PDE3A: variants seen among roughly 807,000 people sequenced by gnomAD.
PDE3A encodes the protein phosphodiesterase 3A.
Under a neutral mutation model 98.3 loss-of-function variants are expected in PDE3A, and 43 were observed. That is an observed-to-expected ratio of 0.44 (90% CI 0.34 to 0.56). The LOEUF is 0.56. Ranked by LOEUF, PDE3A falls within the 20% of genes least tolerant of loss-of-function variation. PDE3A has a pLI of 0.01. For missense variants in PDE3A, 1,427 were observed against 1,440.7 expected (o/e 0.99, Z 0.15); for synonymous variants, 663 against 567.9 (o/e 1.17, Z -2.38).
chr12:20,399,415 C>T (rs1435046157), intron 1 of PDE3A, among the ~76,000 whole-genome samples: 1 of 152,058 alleles, frequency 6.6e-6, no homozygotes, highest in Admixed American at 6.6e-5. Context: ...ACTAGAACAC[C>T]TTCTTAAACT....
chr12:20,661,108 C>T (rs78258674), intron 15 of PDE3A, among the ~76,000 whole-genome samples: 3,235 of 152,188 alleles, frequency 0.021, 100 homozygotes, highest in African/African-American at 0.072. Context: ...AGGAACTTGT[C>T]GAGAACTGGA....
intron 1 of PDE3A, among the ~76,000 whole-genome samples, chr12:20,398,861 G>A (rs1944069323): frequency 6.6e-6 from 1 of 152,034 alleles, no homozygotes; most frequent in African/African-American, 2.4e-5. Flanking sequence ...TAAATATACA[G>A]TTCAGTGACA....
chr12:20,680,402 T>G lies in PDE3A; in HGVS notation c.*131T>G. ...AATGGCTATTGCATTTTGGGATTCTTCGCATTTTGTGTGTATATTTTTACA... is the reference window on the plus strand; with the variant it reads ...AATGGCTATTGCATTTTGGGATTCTGCGCATTTTGTGTGTATATTTTTACA... On this transcript the variant is annotated 3_prime_UTR_variant, in exon 16 of 16. Transcript: ENST00000359062. 2.1e-6 allele frequency: 2 copies of G among 963,112 alleles called. No homozygotes were observed. Among genetic ancestry groups the G allele is most frequent in the Non-Finnish European group, 3.1e-6 (2 of 647,532 alleles). The allele number at this position is 963,112 out of a possible 1,614,324, so 59.7% of individuals were successfully genotyped here. A position where few individuals can be genotyped will look rare whatever the true frequency, so the allele number is the denominator to read the frequency against.
intron 1 of PDE3A, among the ~76,000 whole-genome samples, chr12:20,503,506 A>G (rs1946060353): frequency 6.6e-6 from 1 of 152,106 alleles, no homozygotes; most frequent in Admixed American, 6.6e-5. Context: ...GAAAAATTCC[A>G]TCAGTCAGAA....
At chr12:20,496,911 A>T (rs1409637173) in intron 1 of PDE3A, among the ~76,000 whole-genome samples, 1 of 152,186 alleles carries the variant, frequency 6.6e-6, no homozygotes, top group African/African-American at 2.4e-5. Flanking sequence ...TATCTTACTA[A>T]TGATGCTCTT....
chr12:20,508,711 C>T (rs1195627982), intron 1 of PDE3A, among the ~76,000 whole-genome samples: 1 of 151,638 alleles, frequency 6.6e-6, no homozygotes, highest in Non-Finnish European at 1.5e-5. Flanking sequence ...TACCTGGGAT[C>T]GATTCCTATT....
At chr12:20,386,452 G>A (rs1439419770) in intron 1 of PDE3A, among the ~76,000 whole-genome samples, 1 of 150,514 alleles carries the variant, frequency 6.6e-6, no homozygotes, top group African/African-American at 2.4e-5. Context: ...GTCTGTTTAT[G>A]GCCTTTGTCC....
intron 1 of PDE3A, among the ~76,000 whole-genome samples, chr12:20,405,372 A>G (rs1246942561): frequency 6.6e-6 from 1 of 152,012 alleles, no homozygotes; most frequent in Non-Finnish European, 1.5e-5. Flanking sequence ...GGGATGACCT[A>G]AATTCTCTTC....
intron 1 of PDE3A, among the ~76,000 whole-genome samples, chr12:20,513,272 A>G (rs2121123770): frequency 6.6e-6 from 1 of 152,306 alleles, no homozygotes; most frequent in East Asian, 1.9e-4. Flanking sequence ...AACTATGTTA[A>G]TACAGTACGT....
intron 2 of PDE3A, among the ~76,000 whole-genome samples, chr12:20,569,418 T>A (rs1942740661): frequency 6.6e-6 from 1 of 152,138 alleles, no homozygotes; most frequent in South Asian, 2.1e-4. Context: ...GGAATTAGGG[T>A]TACAATAGTA....
intron 1 of PDE3A, among the ~76,000 whole-genome samples, chr12:20,484,020 A>G (rs899952201): frequency 7.9e-5 from 12 of 152,170 alleles, no homozygotes; most frequent in Non-Finnish European, 1.8e-4. Flanking sequence ...CTCATAGCTT[A>G]GTGAACAGTT....
At position 20,640,429 on chromosome 12, in the gene PDE3A, A is replaced by G. The variant is rs527878383; in HGVS notation, c.2251+472A>G. 1.5e-3 allele frequency among the ~76,000 whole-genome samples: 221 copies of G among 152,220 alleles called. 2 individuals are homozygous for G. The highest frequency in any genetic ancestry group is 5.1e-3 in the African/African-American group (214 of 41,564). The stretch of plus-strand genomic sequence containing the variant: ...GGCATCTGAAGAGTTAAGTCACTAT[A>G]TATGTTTTCTCCACGTAAGATAAAG... On this transcript the variant is annotated intron_variant, in intron 10 of 15. Coordinates refer to ENST00000359062, the MANE Select transcript of PDE3A (RefSeq NM_000921.5).
chr12:20,493,293 CT>C (rs765323232), intron 1 of PDE3A, among the ~76,000 whole-genome samples: 1 of 152,088 alleles, frequency 6.6e-6, no homozygotes, highest in Non-Finnish European at 1.5e-5. Context: ...CCCTCTGTAT[CT>C]GTGTGTTCTG....
chr12:20,517,126 T>C (rs979714189), intron 1 of PDE3A, among the ~76,000 whole-genome samples: 1 of 152,222 alleles, frequency 6.6e-6, no homozygotes, highest in Non-Finnish European at 1.5e-5. Context: ...TACTTTCCAA[T>C]GCGGTTCTAG....
intron 2 of PDE3A, among the ~76,000 whole-genome samples, chr12:20,565,751 G>T (rs950850482): frequency 1.3e-5 from 2 of 151,488 alleles, no homozygotes; most frequent in Non-Finnish European, 3.0e-5. Flanking sequence ...TTTTTTATTT[G>T]GGGAAATTGA....
At chr12:20,594,092 G>C (rs994037834) in intron 2 of PDE3A, among the ~76,000 whole-genome samples, 1 of 152,104 alleles carries the variant, frequency 6.6e-6, no homozygotes, top group Non-Finnish European at 1.5e-5. Context: ...GAATTAGTGA[G>C]AGCAGAACTC....
chr12:20,561,881 A>G (rs1350308261), intron 2 of PDE3A, among the ~76,000 whole-genome samples: 1 of 152,222 alleles, frequency 6.6e-6, no homozygotes, highest in Non-Finnish European at 1.5e-5. Flanking sequence ...CAAGAATGTC[A>G]TTCAAGCTGA....
intron 1 of PDE3A, among the ~76,000 whole-genome samples, chr12:20,438,455 C>T (rs1944814679): frequency 6.6e-6 from 1 of 152,102 alleles, no homozygotes; most frequent in Non-Finnish European, 1.5e-5. Flanking sequence ...TGACATTGCA[C>T]TTAGTGATTT....
chr12:20,397,865 A>C (rs917522068), intron 1 of PDE3A, among the ~76,000 whole-genome samples: 5 of 152,122 alleles, frequency 3.3e-5, no homozygotes, highest in South Asian at 2.1e-4. Flanking sequence ...AAATTCTGAC[A>C]AAGTGGACAT....
Sources: allele counts gnomAD v4.1 joint callset (sites outside exome capture counted in the v4.1 genomes callset), GRCh38; gene constraint gnomAD v4.1.1; transcripts MANE v1.5; gene names NCBI Gene and HGNC (gene_info 2026-07-23, HGNC 2026-07-21).